ACAD10: variants seen among roughly 807,000 people sequenced by gnomAD.
The protein encoded by ACAD10 is acyl-CoA dehydrogenase family member 10, also known as ACAD-10.
In ACAD10, 112 loss-of-function variants were observed where a neutral mutation model predicts 116.8. The observed-to-expected ratio is 0.96, with a 90% confidence interval of 0.82 to 1.12. ACAD10 has a LOEUF of 1.12. Ranked by LOEUF, ACAD10 falls within the 50% of genes most tolerant of loss-of-function variation. The pLI is 0.00. For missense variants in ACAD10, 1,259 were observed against 1,350.2 expected, an observed-to-expected ratio of 0.93 and a Z score of 1.06; for synonymous variants, 486 against 510.6, an observed-to-expected ratio of 0.95 and a Z score of 0.65.
chr12:111,739,395 C>T (rs1481280035), intron 12 of ACAD10, among the ~76,000 whole-genome samples: 1 of 152,176 alleles, frequency 6.6e-6, no homozygotes, highest in Non-Finnish European at 1.5e-5. Flanking sequence ...AACTCAGTTT[C>T]TTCAAACACT....
chr12:111,744,619 CT>C (rs1889835600), intron 12 of ACAD10, 23 bp from the exon 13 acceptor site: 1 of 1,595,316 alleles, frequency 6.3e-7, no homozygotes, highest in South Asian at 1.1e-5. Flanking sequence ...GGAGTAATCA[CT>C]GTTTTTCTTT....
chr12:111,694,379 A>G (rs1410496306), intron 2 of ACAD10, among the ~76,000 whole-genome samples: 1 of 152,062 alleles, frequency 6.6e-6, no homozygotes, highest in Non-Finnish European at 1.5e-5. Flanking sequence ...CTCTGCAGAT[A>G]GCTGAATCTG....
Position 111,719,127 on chromosome 12 carries a change from A to G in ACAD10, c.993-2544A>G, listed in dbSNP as rs1374549350. On this transcript the variant is annotated intron_variant, in intron 7 of 20. Transcript: ENST00000313698. Reference sequence around the variant, plus strand: ...CATAATGAGACTCTGTCTCAAAAAAAAAAGAAAAGAAAAAAAGAAGTGCAT... The same window carrying G: ...CATAATGAGACTCTGTCTCAAAAAAGAAAGAAAAGAAAAAAAGAAGTGCAT... Among the ~76,000 whole-genome samples the G allele has an allele frequency of 3.3e-5, 5 of 152,202 alleles. No individual in the cohort carries two copies. In the East Asian group the frequency reaches 7.7e-4, roughly 24 times the overall value.
intron 7 of ACAD10, among the ~76,000 whole-genome samples, chr12:111,720,857 C>T (rs1315317854): frequency 6.6e-6 from 1 of 152,024 alleles, no homozygotes; most frequent in East Asian, 1.9e-4. Context: ...GATCTTGGCT[C>T]ATTGCAACCT....
chr12:111,753,827 C>T lies in ACAD10; in HGVS notation c.2873C>T (p.Ala958Val), dbSNP rs375809754. The T allele has an allele frequency of 1.1e-5, 17 of 1,613,926 alleles. No homozygotes were observed. Among genetic ancestry groups the T allele is most frequent in the Admixed American group, 8.3e-5 (5 of 60,012 alleles). Residue 958 changes from alanine to valine, a missense_variant, in exon 19 of 21, where the codon GCG becomes GTG. Ala to Val is a moderately conservative substitution (Grantham distance 64). Coordinates refer to ENST00000313698, the MANE Select transcript of ACAD10 (RefSeq NM_025247.6). ...CTGGTGGAGCAGGGCACAGTGCTGG[C>T]GGACATCGCGCAGTCGCGCGTGGAG... ...KPLVEQGTVL[A>V]DIAQSRVEIE...
rs560344796 is a variant in ACAD10 at position 111,718,036 on chromosome 12, C to CTTTTTTTTTTT, written c.992+2095_992+2105dup. On this transcript the variant is annotated intron_variant, in intron 7 of 20. Transcript: ENST00000313698. ...TATACGTAGGATCTATAGTGATATC[C>CTTTTTTTTTTT]TTTTTTTTTTTTTTTTTTTTTTTTT... Among the ~76,000 whole-genome samples the CTTTTTTTTTTT allele has an allele frequency of 5.8e-4, 37 of 63,678 alleles. 8 individuals carry two copies. The highest frequency in any genetic ancestry group is 2.8e-3 in the African/African-American group (34 of 12,208). The allele number at this position is 63,678 out of a possible 152,430, so 41.8% of individuals were successfully genotyped here.
At chr12:111,700,941 T>C (rs1045767868) in intron 2 of ACAD10, among the ~76,000 whole-genome samples, 6 of 151,944 alleles carry the variant, frequency 3.9e-5, no homozygotes, top group African/African-American at 1.5e-4. Context: ...AAATTTTTTC[T>C]AGAGACAGGG....
chr12:111,709,951 G>T, intron 5 of ACAD10: 1 of 425,014 alleles, frequency 2.4e-6, no homozygotes, highest in South Asian at 2.5e-5. Flanking sequence ...CTTTGTGGGG[G>T]TGTTCACACT....
At chr12:111,746,668 G>A (rs7303864) in intron 14 of ACAD10, among the ~76,000 whole-genome samples, 2,383 of 152,158 alleles carry the variant, frequency 0.016, 72 homozygotes, top group African/African-American at 0.054. Flanking sequence ...GATTACAGGC[G>A]TGAGCCACCA....
intron 18 of ACAD10, among the ~76,000 whole-genome samples, chr12:111,752,572 G>C (rs1301542106): frequency 6.6e-6 from 1 of 151,956 alleles, no homozygotes; most frequent in East Asian, 1.9e-4. Flanking sequence ...TCGCGCCACT[G>C]CACTCCAGCC....
intron 7 of ACAD10, among the ~76,000 whole-genome samples, chr12:111,721,397 G>A (rs974767574): frequency 6.6e-6 from 1 of 152,056 alleles, no homozygotes; most frequent in Non-Finnish European, 1.5e-5. Flanking sequence ...GTGAAACCGC[G>A]TCTCTACTAC....
intron 7 of ACAD10, among the ~76,000 whole-genome samples, chr12:111,719,879 C>T (rs1316340996): frequency 6.6e-6 from 1 of 152,072 alleles, no homozygotes; most frequent in Non-Finnish European, 1.5e-5. Context: ...AGGTGCCCAC[C>T]ACCACTCCTG....
chr12:111,744,516 A>C (rs1593051265), intron 12 of ACAD10, 127 bp from the exon 13 acceptor site: 1 of 1,157,906 alleles, frequency 8.6e-7, no homozygotes, highest in Non-Finnish European at 1.2e-6. Flanking sequence ...CTCTTAGCAC[A>C]GTGTTTGGTA....
Position 111,709,683 on chromosome 12 carries a change from A to G in ACAD10, c.689A>G (p.Lys230Arg), listed in dbSNP as rs768947668. 1 of 1,606,392 alleles carries G rather than the reference A, an allele frequency of 6.2e-7. No individual in the cohort carries two copies. Among genetic ancestry groups the G allele is most frequent in the Non-Finnish European group, 8.5e-7 (1 of 1,177,684 alleles). ...EAARLGIHTI[K>R]VNDPETAVKE... The stretch of plus-strand genomic sequence containing the variant: ...GCCAGACTTGGTATTCACACCATTA[A>G]GGTAATAGTCACTAATTTTTGAACT... The change falls in exon 5 of 21, where the codon AAG becomes AGG. Residue 230 changes from lysine to arginine, a missense_variant and splice_region_variant. By Grantham distance (26) the Lys-to-Arg change is conservative. Transcript: ENST00000313698.
chr12:111,741,672 AAAC>A (rs1172745186), intron 12 of ACAD10, among the ~76,000 whole-genome samples: 1 of 152,248 alleles, frequency 6.6e-6, no homozygotes, highest in Non-Finnish European at 1.5e-5. Context: ...TCTCATGTAA[AAAC>A]AACAAAATCC....
chr12:111,712,784 T>C, intron 6 of ACAD10, 127 bp downstream of exon 6: 1 of 1,055,468 alleles, frequency 9.5e-7, no homozygotes, highest in Admixed American at 2.3e-5. Flanking sequence ...AAATAGCCAT[T>C]GGGCCTGGTG....
rs889413935 is a variant in ACAD10, at chr12:111,724,005, C to T, written c.1061+2266C>T. Among the ~76,000 whole-genome samples, 30 of 150,702 alleles carry T rather than the reference C, an allele frequency of 2.0e-4. 1 individual carries two copies. Among genetic ancestry groups the T allele is most frequent in the Non-Finnish European group, 3.8e-4 (26 of 67,812 alleles). ...CAGATGATGGGCGGCCAGGCAGAGA[C>T]GCTCCTCACTTCCTAGATGTGATGG... On this transcript the variant is annotated intron_variant, in intron 8 of 20. Transcript: ENST00000313698.
chr12:111,723,686 C>A (rs1416673874), intron 8 of ACAD10, among the ~76,000 whole-genome samples: 1 of 73,150 alleles, frequency 1.4e-5, no homozygotes, highest in Non-Finnish European at 2.5e-5. Flanking sequence ...GGGGGCTGAC[C>A]CCCCCCCCCA....
At chr12:111,748,536 G>T in intron 17 of ACAD10, 61 bp downstream of exon 17, 1 of 1,591,400 alleles carries the variant, frequency 6.3e-7, no homozygotes, top group Non-Finnish European at 8.6e-7. Flanking sequence ...AAACACCACT[G>T]AGGGGCCCCT....
Sources: allele counts gnomAD v4.1 joint callset (sites outside exome capture counted in the v4.1 genomes callset), GRCh38; gene constraint gnomAD v4.1.1; transcripts MANE v1.5; gene names NCBI Gene and HGNC (gene_info 2026-07-23, HGNC 2026-07-21).